Variants in DYNC2LI1 observed in about 807,000 individuals in gnomAD.
DYNC2LI1 encodes the protein dynein cytoplasmic 2 light intermediate chain 1.
A neutral mutation model predicts 51.9 loss-of-function variants in DYNC2LI1; 45 were observed. The observed-to-expected ratio is 0.87, with a 90% CI of 0.68 to 1.11. The LOEUF (loss-of-function observed/expected upper bound fraction) is 1.11, where lower values mean the gene tolerates loss of function less well. Ranked by LOEUF, DYNC2LI1 falls within the 50% of genes most tolerant of loss-of-function variation. The pLI is 0.00. For synonymous variants in DYNC2LI1, 130 were observed against 137.8 expected, an observed-to-expected ratio of 0.94 and a Z score of 0.40; for missense variants, 490 against 417.4, an observed-to-expected ratio of 1.17 and a Z score of -1.51.
At chr2:43,777,571 T>C (rs771375493) in intron 2 of DYNC2LI1, among the ~76,000 whole-genome samples, 2 of 152,406 alleles carry the variant, frequency 1.3e-5, no homozygotes, top group East Asian at 1.9e-4. Context: ...CTGAAATTCA[T>C]GTAGTGCCAT....
At chr2:43,822,478 G>GCCCCCCCCCCCCCCC in the DYNC2LI1 span, 4 of 432,250 alleles carry the variant, frequency 9.3e-6, no homozygotes, top group Admixed American at 6.9e-5. Context: ...CCTCCCCCAG[G>GCCCCCCCCCCCCCCC]CCCCCCCCCA....
intron 10 of DYNC2LI1, among the ~76,000 whole-genome samples, chr2:43,802,633 T>C (rs192203774): frequency 2.3e-3 from 343 of 152,232 alleles, no homozygotes; most frequent in African/African-American, 7.9e-3. Context: ...TATGAATAGT[T>C]GGAGGCCAGA....
chr2:43,809,449 T>C (rs1343952015), intron 12 of DYNC2LI1, among the ~76,000 whole-genome samples: 1 of 152,256 alleles, frequency 6.6e-6, no homozygotes, highest in African/African-American at 2.4e-5. Flanking sequence ...ATGTAGTTTA[T>C]GTACATAATT....
At chr2:43,810,022 G>C, downstream of DYNC2LI1, 1 of 1,000,712 alleles carries the variant, frequency 1.0e-6, no homozygotes, top group Non-Finnish European at 1.3e-6. Flanking sequence ...ATGTTTAAGT[G>C]GTATATACTC....
the DYNC2LI1 span, among the ~76,000 whole-genome samples, chr2:43,816,571 T>G: frequency 6.6e-6 from 1 of 151,956 alleles, no homozygotes; most frequent in African/African-American, 2.4e-5. Flanking sequence ...TTGAACGGAG[T>G]CTTGTTCTGT....
At chr2:43,801,456 A>G (rs1379226155) in intron 9 of DYNC2LI1, 183 bp from the exon 10 acceptor site, 12 of 448,676 alleles carry the variant, frequency 2.7e-5, no homozygotes, top group Non-Finnish European at 4.3e-5. Flanking sequence ...TAAAATGTTT[A>G]TTTATGCTAT....
Position 43,794,591 on chromosome 2 carries a change from C to G in DYNC2LI1, c.455C>G (p.Ala152Gly). ...IMKLGKTNAK[A>G]VSEMRQKIWN... Reference sequence around the variant, plus strand: ...AAACTGGGAAAGACAAATGCTAAAGCAGTTTCTGAAATGAGACAGAAGATC... The same window carrying G: ...AAACTGGGAAAGACAAATGCTAAAGGAGTTTCTGAAATGAGACAGAAGATC... The change falls in exon 6 of 13, where the codon GCA (alanine) becomes GGA (glycine). Residue 152 changes from alanine to glycine, a missense_variant. Transcript: ENST00000260605. 6.2e-7 allele frequency: 1 copy of G among 1,614,014 alleles called. No individual in the cohort carries two copies. Among genetic ancestry groups the G allele is most frequent in the Non-Finnish European group, 8.5e-7 (1 of 1,179,994 alleles).
intron 8 of DYNC2LI1, among the ~76,000 whole-genome samples, chr2:43,797,135 C>G (rs975206106): frequency 1.3e-5 from 2 of 152,126 alleles, no homozygotes; most frequent in Non-Finnish European, 2.9e-5. Context: ...AAACAAAAAT[C>G]AACTCTATCA....
intron 5 of DYNC2LI1, chr2:43,792,612 T>G: frequency 6.8e-7 from 1 of 1,467,404 alleles, no homozygotes. Context: ...CCAGAACTTT[T>G]TGATCTTCTC....
At chr2:43,785,740 A>G (rs996262366) in intron 3 of DYNC2LI1, among the ~76,000 whole-genome samples, 1 of 151,668 alleles carries the variant, frequency 6.6e-6, no homozygotes, top group Non-Finnish European at 1.5e-5. Context: ...TATATATAGT[A>G]TGATTCCACT....
chr2:43,821,814 CA>C, the DYNC2LI1 span, among the ~76,000 whole-genome samples: 1 of 152,042 alleles, frequency 6.6e-6, no homozygotes, highest in Non-Finnish European at 1.5e-5. Context: ...CAGCTGAATT[CA>C]CCTCCCATTT....
intron 1 of DYNC2LI1, 69 bp from the exon 2 acceptor site, chr2:43,776,713 C>G: frequency 1.4e-6 from 1 of 723,974 alleles, no homozygotes; most frequent in South Asian, 2.0e-5. Context: ...TAAAATTTCT[C>G]TGAGCTTGAA....
chr2:43,813,678 T>C (rs1379969896), downstream of DYNC2LI1, among the ~76,000 whole-genome samples: 2 of 150,774 alleles, frequency 1.3e-5, no homozygotes, highest in African/African-American at 4.9e-5. Flanking sequence ...TTGGTTGTTT[T>C]TTTTTTGTTT....
chr2:43,810,126 C>T (rs189236602), downstream of DYNC2LI1: 7 of 359,736 alleles, frequency 1.9e-5, no homozygotes, highest in African/African-American at 1.3e-4. Context: ...TAAGTGCCCA[C>T]GTTAGACACA....
chr2:43,775,886 G>A (rs1303220948), intron 1 of DYNC2LI1: 2 of 81,126 alleles, frequency 2.5e-5, no homozygotes, highest in African/African-American at 2.1e-4. Context: ...TTTTTTTTTA[G>A]TAGAGATGGG....
the DYNC2LI1 span, among the ~76,000 whole-genome samples, chr2:43,827,288 G>A: frequency 1.3e-5 from 2 of 149,410 alleles, no homozygotes; most frequent in East Asian, 2.0e-4. Context: ...TCGCACCACT[G>A]CACTCCAGCC....
At chr2:43,820,727 C>T in the DYNC2LI1 span, among the ~76,000 whole-genome samples, 2 of 152,206 alleles carry the variant, frequency 1.3e-5, no homozygotes, top group Non-Finnish European at 2.9e-5. Flanking sequence ...GATCTTGGCT[C>T]ATTGCAACCT....
the DYNC2LI1 span, chr2:43,824,874 GA>G: frequency 6.2e-7 from 1 of 1,613,626 alleles, no homozygotes; most frequent in Non-Finnish European, 8.5e-7. Context: ...TGGGGAATGT[GA>G]AAGAAAAACT....
intron 8 of DYNC2LI1, among the ~76,000 whole-genome samples, chr2:43,798,939 T>G (rs539123941): frequency 4.0e-5 from 6 of 151,852 alleles, no homozygotes; most frequent in Non-Finnish European, 7.4e-5. Flanking sequence ...TCCAACACTA[T>G]AGTTGATCCT....
Sources: allele counts gnomAD v4.1 joint callset (sites outside exome capture counted in the v4.1 genomes callset), GRCh38; gene constraint gnomAD v4.1.1; transcripts MANE v1.5; gene names NCBI Gene and HGNC (gene_info 2026-07-23, HGNC 2026-07-21).